The following DOCK1 variants were observed in gnomAD, a reference collection of about 807,000 sequenced individuals.
The protein encoded by DOCK1 is dedicator of cytokinesis 1, also known as dedicator of cytokinesis protein 1.
A neutral mutation model predicts 262.7 loss-of-function variants in DOCK1; 138 were observed. The observed-to-expected ratio is 0.53, with a 90% confidence interval of 0.46 to 0.61. DOCK1 has a LOEUF of 0.61. Among genes scored for constraint, DOCK1 ranks in the 20% least tolerant of loss-of-function variants. DOCK1 has a pLI of 0.00. For synonymous variants in DOCK1, 866 were observed against 867.4 expected, an observed-to-expected ratio of 1.00 and a Z score of 0.03; for missense variants, 1,908 against 2,370.7, an observed-to-expected ratio of 0.80 and a Z score of 4.05.
chr10:127,066,663 A>G (rs895860139), intron 23 of DOCK1, among the ~76,000 whole-genome samples: 3 of 152,206 alleles, frequency 2.0e-5, no homozygotes, highest in South Asian at 2.1e-4. Flanking sequence ...AGCTCCCCCA[A>G]TCAGTGGTTG....
intron 47 of DOCK1, 68 bp from the exon 48 acceptor site, chr10:127,433,215 C>A: frequency 6.3e-7 from 1 of 1,587,028 alleles, no homozygotes; most frequent in East Asian, 2.2e-5. Context: ...GCCACTTTAT[C>A]TCAGGAGTCT....
chr10:127,110,775 T>C (rs2048817772), intron 25 of DOCK1, among the ~76,000 whole-genome samples: 1 of 152,236 alleles, frequency 6.6e-6, no homozygotes, highest in Admixed American at 6.5e-5. Flanking sequence ...TTTCTTCAAA[T>C]CCTACTCAAA....
At chr10:127,345,409 C>T (rs1333260023) in intron 31 of DOCK1, among the ~76,000 whole-genome samples, 2 of 152,188 alleles carry the variant, frequency 1.3e-5, no homozygotes, top group Non-Finnish European at 2.9e-5. Flanking sequence ...GGCAAAGCAG[C>T]ATTCTAATCT....
chr10:127,303,139 C>G (rs1319248516), intron 29 of DOCK1, among the ~76,000 whole-genome samples: 1 of 152,144 alleles, frequency 6.6e-6, no homozygotes, highest in African/African-American at 2.4e-5. Context: ...AGAGATCAGT[C>G]TCAACTCGAA....
chr10:127,289,801 C>A (rs1040756602), intron 29 of DOCK1, among the ~76,000 whole-genome samples: 2 of 151,388 alleles, frequency 1.3e-5, no homozygotes, highest in African/African-American at 4.8e-5. Context: ...CATTCCCTTT[C>A]TCTTCTTCTT....
chr10:127,341,022 C>T (rs917100594), intron 30 of DOCK1, among the ~76,000 whole-genome samples: 5 of 152,056 alleles, frequency 3.3e-5, no homozygotes, highest in Non-Finnish European at 5.9e-5. Context: ...CTCTCCTTGC[C>T]TTAATATTAT....
chr10:127,421,852 A>C (rs942926281), intron 46 of DOCK1, among the ~76,000 whole-genome samples: 5 of 152,202 alleles, frequency 3.3e-5, no homozygotes, highest in African/African-American at 1.2e-4. Context: ...GCTAGACCGC[A>C]ATGTGTTTCT....
intron 27 of DOCK1, among the ~76,000 whole-genome samples, chr10:127,232,923 A>G (rs1162657388): frequency 6.6e-6 from 1 of 152,182 alleles, no homozygotes; most frequent in African/African-American, 2.4e-5. Context: ...TCATCTAAGC[A>G]AGATTAATAA....
chr10:127,387,647 T>C (rs1031708198), intron 38 of DOCK1, among the ~76,000 whole-genome samples: 3 of 152,198 alleles, frequency 2.0e-5, no homozygotes, highest in Admixed American at 6.5e-5. Context: ...TCTGTGAAGA[T>C]AGAACCTCAC....
rs763926289 is a variant in DOCK1, at chr10:126,905,478, C to T, written c.-40C>T. 5 of 518,750 alleles carry T rather than the reference C, an allele frequency of 9.6e-6. No individual in the cohort carries two copies. The highest frequency in any genetic ancestry group is 2.0e-5 in the African/African-American group (1 of 48,880). 32.1% of individuals were successfully genotyped at this position (518,750 alleles called of 1,614,324 possible). ...GGAATGGAAAATGGCGGCCTAGACG[C>T]GGAGTTTCCTGCCCGACCCGCGGCG... On this transcript the variant is annotated 5_prime_UTR_variant, in exon 1 of 52. Transcript: ENST00000623213.
At chr10:126,973,988 A>C (rs531879454) in intron 2 of DOCK1, among the ~76,000 whole-genome samples, 1 of 152,230 alleles carries the variant, frequency 6.6e-6, no homozygotes, top group East Asian at 1.9e-4. Context: ...ATTTACCTTC[A>C]AGTTGTGGTT....
chr10:127,125,140 C>CA (rs1265482745), intron 25 of DOCK1, among the ~76,000 whole-genome samples: 3 of 152,038 alleles, frequency 2.0e-5, no homozygotes, highest in African/African-American at 4.8e-5. Context: ...CAACAAAAAA[C>CA]AAAAAACCCA....
chr10:127,343,150 C>T (rs1245741658), intron 30 of DOCK1, among the ~76,000 whole-genome samples: 1 of 152,114 alleles, frequency 6.6e-6, no homozygotes, highest in Admixed American at 6.6e-5. Flanking sequence ...GAGGCTGAGG[C>T]AGGAGAATTG....
intron 29 of DOCK1, among the ~76,000 whole-genome samples, chr10:127,261,999 C>G (rs1430560247): frequency 4.1e-5 from 4 of 98,490 alleles, no homozygotes; most frequent in African/African-American, 1.6e-4. Flanking sequence ...TGTACCCATG[C>G]TCATCTGTTT....
intron 10 of DOCK1, chr10:127,007,384 A>G (rs1475043017): frequency 6.6e-6 from 1 of 152,154 alleles, no homozygotes; most frequent in Admixed American, 6.5e-5. Flanking sequence ...CATGTTGGAC[A>G]AAATATATTT....
At chr10:127,388,613 G>A (rs1255984849) in intron 38 of DOCK1, among the ~76,000 whole-genome samples, 2 of 152,236 alleles carry the variant, frequency 1.3e-5, no homozygotes, top group African/African-American at 4.8e-5. Context: ...CAGCACAGGT[G>A]TGTTTCTCAC....
At chr10:127,000,391 C>A in intron 10 of DOCK1, 84 bp downstream of exon 10, 1 of 1,514,446 alleles carries the variant, frequency 6.6e-7, no homozygotes. Context: ...GTTGATTGGA[C>A]AATGCACAGC....
chr10:127,225,156 A>G (rs941398533), intron 27 of DOCK1, among the ~76,000 whole-genome samples: 4 of 152,244 alleles, frequency 2.6e-5, no homozygotes, highest in Non-Finnish European at 2.9e-5. Context: ...ATAGAAAGTA[A>G]TTTATGAGAA....
At chr10:127,178,284 T>C (rs1218866300) in intron 27 of DOCK1, among the ~76,000 whole-genome samples, 1 of 152,224 alleles carries the variant, frequency 6.6e-6, no homozygotes, top group East Asian at 1.9e-4. Flanking sequence ...GGTAATCATG[T>C]GTAAGAACAA....
Sources: gnomAD v4.1 joint callset for allele counts (sites outside exome capture counted in the v4.1 genomes callset) on GRCh38, gnomAD v4.1.1 for gene constraint, MANE v1.5 for transcripts, NCBI Gene and HGNC (gene_info 2026-07-23, HGNC 2026-07-21) for gene names.